Variants in MCTP2 observed in about 807,000 individuals in gnomAD.
MCTP2 encodes multiple C2 and transmembrane domain containing 2.
A neutral mutation model predicts 111.6 loss-of-function variants in MCTP2; 132 were observed. The ratio of observed to expected loss-of-function variants is 1.18; its 90% confidence interval spans 1.03 to 1.37. MCTP2 has a LOEUF of 1.37. Among genes scored for constraint, MCTP2 ranks in the 40% most tolerant of loss-of-function variants. The pLI is 0.00. For synonymous variants in MCTP2, 395 were observed against 387.7 expected, an observed-to-expected ratio of 1.02 and a Z score of -0.22; for missense variants, 1,183 against 1,067.9, an observed-to-expected ratio of 1.11 and a Z score of -1.50.
rs1387437404 is a variant in MCTP2 at position 94,385,406 on chromosome 15, T to C, written c.1686-17T>C. 7.2e-6 allele frequency: 11 copies of C among 1,531,534 alleles called. No homozygotes were observed. Among genetic ancestry groups the C allele is most frequent in the South Asian group, 1.1e-5 (1 of 89,428 alleles). The allele number at this position is 1,531,534 out of a possible 1,614,324, so 94.9% of individuals were successfully genotyped here. ...CTTGTGTGTTTTTGTGTATAATACA[T>C]GGTATTTTTGTTACAGTCCCATTAA... is the stretch of plus-strand genomic sequence containing the variant. On this transcript the variant is annotated splice_polypyrimidine_tract_variant and intron_variant, in intron 13 of 22. Coordinates refer to ENST00000357742, the MANE Select transcript of MCTP2 (RefSeq NM_001385001.1).
rs2074803479 is a variant in MCTP2, at chr15:94,483,064, A to G, written c.*4030A>G. 6.6e-6 allele frequency: 1 copy of G among 152,152 alleles called. No homozygotes were observed. Among genetic ancestry groups the G allele is most frequent in the South Asian group, 2.1e-4 (1 of 4,824 alleles). 9.4% of individuals were successfully genotyped at this position (152,152 alleles called of 1,614,324 possible). A position where few individuals can be genotyped will look rare whatever the true frequency, so the allele number is the denominator to read the frequency against. The stretch of plus-strand genomic sequence containing the variant: ...TAACCCTTGAAAAATTCCACTGTGG[A>G]GAAGAAAGGAGAGAGAGAGGGCTGG... On this transcript the variant is annotated 3_prime_UTR_variant, in exon 23 of 23. Transcript: ENST00000357742.
intron 12 of MCTP2, among the ~76,000 whole-genome samples, chr15:94,370,593 G>A (rs1336614087): frequency 6.6e-6 from 1 of 152,146 alleles, no homozygotes; most frequent in African/African-American, 2.4e-5. Context: ...GTCAGATCTG[G>A]CTGGCACCTC....
chr15:94,356,429 A>G (rs1169418618), intron 9 of MCTP2, 128 bp downstream of exon 9: 14 of 792,182 alleles, frequency 1.8e-5, no homozygotes, highest in Admixed American at 1.1e-4. Flanking sequence ...TATATTAAAG[A>G]GCAGAAAACA....
At chr15:94,343,106 C>T (rs1442416016) in intron 7 of MCTP2, 5 of 151,114 alleles carry the variant, frequency 3.3e-5, no homozygotes, top group Non-Finnish European at 4.4e-5. Context: ...ACTCTTATCT[C>T]TTCTGATTGG....
At chr15:94,338,280 T>A (rs1567460990) in intron 4 of MCTP2, among the ~76,000 whole-genome samples, 1 of 152,118 alleles carries the variant, frequency 6.6e-6, no homozygotes, top group African/African-American at 2.4e-5. Context: ...AACTATAGTA[T>A]TGTAACTCCC....
At chr15:94,297,948 A>G (rs2075351725) in intron 1 of MCTP2, among the ~76,000 whole-genome samples, 3 of 152,000 alleles carry the variant, frequency 2.0e-5, no homozygotes, top group Admixed American at 6.6e-5. Context: ...TTTGGTGCCA[A>G]CCTTATCATC....
intron 17 of MCTP2, among the ~76,000 whole-genome samples, chr15:94,418,253 C>T (rs1436876503): frequency 6.6e-6 from 1 of 152,142 alleles, no homozygotes; most frequent in Non-Finnish European, 1.5e-5. Flanking sequence ...GGACTTCTCC[C>T]ATGGAGGGCC....
Position 94,401,393 on chromosome 15 carries a change from A to G in MCTP2, c.1966-507A>G, listed in dbSNP as rs1449149161. On this transcript the variant is annotated intron_variant, in intron 16 of 22. Coordinates refer to ENST00000357742, the MANE Select transcript of MCTP2 (RefSeq NM_001385001.1). ...AGTAACTTGCCCAAGGTGAACTCCA[A>G]TCCCTTCCCAGAACTCTGTAGACCT... Among the ~76,000 whole-genome samples, 5 of 152,202 alleles carry G rather than the reference A, an allele frequency of 3.3e-5. No individual in the cohort carries two copies. The East Asian group carries it at 7.7e-4, about 23-fold the overall frequency.
At chr15:94,448,756 G>T (rs568551751) in intron 19 of MCTP2, among the ~76,000 whole-genome samples, 94 of 152,106 alleles carry the variant, frequency 6.2e-4, no homozygotes, top group Admixed American at 1.6e-3. Flanking sequence ...GAAGACATTG[G>T]ACATTGCATC....
At chr15:94,391,506 A>G (rs535788373) in intron 14 of MCTP2, among the ~76,000 whole-genome samples, 3 of 152,288 alleles carry the variant, frequency 2.0e-5, no homozygotes, top group South Asian at 2.1e-4. Context: ...CGTAGGGTAG[A>G]GGGGCAGTGT....
chr15:94,298,649 T>C lies in MCTP2; in HGVS notation c.384T>C (p.Ala128=), dbSNP rs888992525. The C allele has an allele frequency of 6.2e-6, 10 of 1,613,912 alleles. No individual in the cohort carries two copies. The highest frequency in any genetic ancestry group is 7.6e-6 in the Non-Finnish European group (9 of 1,180,008). ...CAGAGGAGGCCTATGCCTCTCCTGCTGAGCGGAGACGGGTGTCCAGCAACG... is the reference window on the plus strand; with the variant it reads ...CAGAGGAGGCCTATGCCTCTCCTGCCGAGCGGAGACGGGTGTCCAGCAACG... ...TDSEEAYASP[A]ERRRVSSNGI... Residue 128 remains alanine, a synonymous_variant, in exon 2 of 23, where the codon GCT becomes GCC. Coordinates refer to ENST00000357742, the MANE Select transcript of MCTP2 (RefSeq NM_001385001.1).
At chr15:94,352,767 A>G (rs1037429458) in intron 8 of MCTP2, among the ~76,000 whole-genome samples, 3 of 152,210 alleles carry the variant, frequency 2.0e-5, no homozygotes, top group African/African-American at 7.2e-5. Flanking sequence ...TTGTGAGGGA[A>G]AAAAGGGGTG....
chr15:94,457,593 G>T lies in MCTP2; in HGVS notation c.2251-544G>T, dbSNP rs552969357. On this transcript the variant is annotated intron_variant, in intron 19 of 22. Transcript: ENST00000357742. ...TAGCATGTCCACAGCTGCTTGCTTTGTTTCTGAGGTGGTTGCCAAAGGATG... is the reference window on the plus strand; with the variant it reads ...TAGCATGTCCACAGCTGCTTGCTTTTTTTCTGAGGTGGTTGCCAAAGGATG... Among the ~76,000 whole-genome samples, 7 of 152,300 alleles carry T rather than the reference G, an allele frequency of 4.6e-5. No homozygotes were observed. In the Middle Eastern group the frequency reaches 0.01, roughly 222 times the overall value.
chr15:94,312,363 G>T (rs974100047), intron 2 of MCTP2, among the ~76,000 whole-genome samples: 1 of 152,150 alleles, frequency 6.6e-6, no homozygotes, highest in African/African-American at 2.4e-5. Context: ...CTCACCTGGG[G>T]GTCCTTTTAT....
intron 15 of MCTP2, among the ~76,000 whole-genome samples, chr15:94,399,329 C>T (rs75257720): frequency 0.012 from 1,862 of 152,196 alleles, 24 homozygotes; most frequent in Middle Eastern, 0.055. Flanking sequence ...GAAAATATTT[C>T]GGTTAAGGAA....
At chr15:94,373,278 A>G (rs958162451) in intron 12 of MCTP2, among the ~76,000 whole-genome samples, 1 of 152,230 alleles carries the variant, frequency 6.6e-6, no homozygotes, top group African/African-American at 2.4e-5. Context: ...AACTTTGGAA[A>G]AATTGAATAC....
intron 1 of MCTP2, among the ~76,000 whole-genome samples, chr15:94,247,248 C>G (rs895121025): frequency 6.6e-5 from 10 of 152,164 alleles, no homozygotes; most frequent in African/African-American, 2.4e-4. Context: ...ATTGGATGCA[C>G]ATCAGTCAGC....
chr15:94,470,261 A>AATTATG (rs1170365366), intron 20 of MCTP2, 72 bp from the exon 21 acceptor site: 1 of 1,135,464 alleles, frequency 8.8e-7, no homozygotes, highest in Non-Finnish European at 1.3e-6. Context: ...AACATGAAAT[A>AATTATG]AACATGACAA....
At chr15:94,289,139 A>C (rs1287746287) in intron 1 of MCTP2, among the ~76,000 whole-genome samples, 1 of 152,214 alleles carries the variant, frequency 6.6e-6, no homozygotes, top group African/African-American at 2.4e-5. Context: ...AGATTCAAGA[A>C]GCTAAGCTAA....
Sources: gnomAD v4.1 joint callset for allele counts (sites outside exome capture counted in the v4.1 genomes callset) on GRCh38, gnomAD v4.1.1 for gene constraint, MANE v1.5 for transcripts, NCBI Gene and HGNC (gene_info 2026-07-23, HGNC 2026-07-21) for gene names.